Variants in DPP10 observed in about 807,000 individuals in gnomAD.
DPP10 encodes inactive dipeptidyl peptidase 10.
In DPP10, 33 loss-of-function variants were observed where a neutral mutation model predicts 120.9. The observed-to-expected ratio is 0.27, with a 90% confidence interval of 0.21 to 0.37. The LOEUF (loss-of-function observed/expected upper bound fraction) is 0.37. Ranked by LOEUF, DPP10 falls within the 10% of genes least tolerant of loss-of-function variation. The pLI, the probability that DPP10 is intolerant of heterozygous loss-of-function variation, is 1.00. For synonymous variants in DPP10, 337 were observed against 326.1 expected, an observed-to-expected ratio of 1.03 and a Z score of -0.36; for missense variants, 816 against 942.8, an observed-to-expected ratio of 0.87 and a Z score of 1.76.
intron 1 of DPP10, among the ~76,000 whole-genome samples, chr2:114,748,119 T>C (rs1678758034): frequency 6.6e-6 from 1 of 152,092 alleles, no homozygotes; most frequent in South Asian, 2.1e-4. Flanking sequence ...TTTATTTTTA[T>C]TCCATTTTAC....
chr2:114,489,368 G>T (rs1028028756), intron 1 of DPP10, among the ~76,000 whole-genome samples: 6 of 152,208 alleles, frequency 3.9e-5, no homozygotes, highest in African/African-American at 1.4e-4. Context: ...AAGGGCAGAA[G>T]CTTCCCAACC....
At chr2:114,864,434 A>G (rs1574369655) in intron 1 of DPP10, among the ~76,000 whole-genome samples, 1 of 152,214 alleles carries the variant, frequency 6.6e-6, no homozygotes, top group Non-Finnish European at 1.5e-5. Context: ...AAGTGTTATT[A>G]AAGGAAATAG....
intron 1 of DPP10, among the ~76,000 whole-genome samples, chr2:115,264,351 A>G (rs112569221): frequency 1.5e-3 from 222 of 152,278 alleles, no homozygotes; most frequent in African/African-American, 5.1e-3. Flanking sequence ...GGGTTCAGGT[A>G]TCTATGTGTC....
At chr2:114,957,333 T>C (rs1698288139) in intron 1 of DPP10, among the ~76,000 whole-genome samples, 1 of 151,790 alleles carries the variant, frequency 6.6e-6, no homozygotes, top group African/African-American at 2.4e-5. Flanking sequence ...TAATATATTT[T>C]GTAATATATT....
chr2:114,958,195 A>G (rs1698350213), intron 1 of DPP10, among the ~76,000 whole-genome samples: 1 of 152,220 alleles, frequency 6.6e-6, no homozygotes. Flanking sequence ...GTTACAGATT[A>G]GTGTTTGCCT....
chr2:115,527,968 A>G (rs2078232067), intron 5 of DPP10, among the ~76,000 whole-genome samples: 1 of 152,148 alleles, frequency 6.6e-6, no homozygotes, highest in Non-Finnish European at 1.5e-5. Context: ...TTAAAAAACT[A>G]AGCATATATT....
At chr2:115,132,450 T>TG (rs1344541073) in intron 1 of DPP10, among the ~76,000 whole-genome samples, 21 of 152,314 alleles carry the variant, frequency 1.4e-4, no homozygotes, top group African/African-American at 4.8e-4. Context: ...TTTCAAAATA[T>TG]GTCAAAGAAA....
intron 5 of DPP10, among the ~76,000 whole-genome samples, chr2:115,622,846 T>G (rs1275797772): frequency 6.7e-6 from 1 of 148,726 alleles, no homozygotes; most frequent in African/African-American, 2.5e-5. Flanking sequence ...TTTTTTTTTT[T>G]GTTTTTTGTT....
intron 1 of DPP10, among the ~76,000 whole-genome samples, chr2:114,898,374 G>T (rs959556159): frequency 6.6e-6 from 1 of 152,084 alleles, no homozygotes; most frequent in Non-Finnish European, 1.5e-5. Flanking sequence ...GGGAGGGATA[G>T]CTTTAGGAGA....
chr2:115,451,773 G>A (rs843446), intron 3 of DPP10, among the ~76,000 whole-genome samples: 125,802 of 151,968 alleles, frequency 0.83, 55,100 homozygotes, highest in Non-Finnish European at 0.97. Context: ...AAAAATTAAC[G>A]CATAAAAGTG....
chr2:115,483,260 T>C (rs1449689432), intron 3 of DPP10, among the ~76,000 whole-genome samples: 1 of 152,112 alleles, frequency 6.6e-6, no homozygotes, highest in Non-Finnish European at 1.5e-5. Flanking sequence ...AAACAACTTA[T>C]TTTGGACATG....
At chr2:114,888,629 G>T (rs1558846655) in intron 1 of DPP10, among the ~76,000 whole-genome samples, 1 of 152,148 alleles carries the variant, frequency 6.6e-6, no homozygotes, top group African/African-American at 2.4e-5. Flanking sequence ...GTTAAAGATG[G>T]AACTCAAAGA....
chr2:115,252,015 A>G (rs796242316), intron 1 of DPP10, among the ~76,000 whole-genome samples: 22 of 152,322 alleles, frequency 1.4e-4, no homozygotes, highest in African/African-American at 5.3e-4. Context: ...TTTCATGCCT[A>G]TCAGTTTTGT....
intron 3 of DPP10, among the ~76,000 whole-genome samples, chr2:115,483,538 G>A (rs975293466): frequency 4.0e-5 from 6 of 151,690 alleles, no homozygotes; most frequent in South Asian, 2.1e-4. Context: ...TGTTTGGGAG[G>A]AATTCATAAT....
chr2:115,236,256 C>A (rs560252435), intron 1 of DPP10, among the ~76,000 whole-genome samples: 2 of 152,156 alleles, frequency 1.3e-5, no homozygotes, highest in Non-Finnish European at 2.9e-5. Flanking sequence ...GTTGTTCTAA[C>A]GTCACGTTGG....
chr2:115,249,355 C>G (rs1362011240), intron 1 of DPP10, among the ~76,000 whole-genome samples: 4 of 152,180 alleles, frequency 2.6e-5, no homozygotes, highest in African/African-American at 9.6e-5. Flanking sequence ...TAATAGATAG[C>G]ACTTAGAATG....
At chr2:114,818,289 G>A (rs769126200) in intron 1 of DPP10, among the ~76,000 whole-genome samples, 1 of 152,084 alleles carries the variant, frequency 6.6e-6, no homozygotes, top group African/African-American at 2.4e-5. Context: ...CTCTATTACA[G>A]AACTTTGAAA....
At chr2:114,525,638 A>G (rs1252016193) in intron 1 of DPP10, among the ~76,000 whole-genome samples, 2 of 152,152 alleles carry the variant, frequency 1.3e-5, no homozygotes, top group Non-Finnish European at 2.9e-5. Flanking sequence ...ATTTGATTCC[A>G]GTTTTGATTT....
At chr2:115,764,970 G>A (rs1680542987) in intron 12 of DPP10, among the ~76,000 whole-genome samples, 2 of 152,206 alleles carry the variant, frequency 1.3e-5, no homozygotes, top group African/African-American at 2.4e-5. Flanking sequence ...CAATTGAGAT[G>A]ACCAGTGTGT....
Sources: allele counts gnomAD v4.1 joint callset (sites outside exome capture counted in the v4.1 genomes callset), GRCh38; gene constraint gnomAD v4.1.1; transcripts MANE v1.5; gene names NCBI Gene and HGNC (gene_info 2026-07-23, HGNC 2026-07-21).